The following XRN2 variants were observed in gnomAD, a reference collection of about 807,000 sequenced individuals.
XRN2 encodes DHM1-like protein.
Under a neutral mutation model 138.5 loss-of-function variants are expected in XRN2, and 44 were observed. The ratio of observed to expected loss-of-function variants is 0.32; its 90% CI spans 0.25 to 0.41. XRN2 has a LOEUF of 0.41. Among genes scored for constraint, XRN2 ranks in the 10% least tolerant of loss-of-function variants. The pLI, the probability that XRN2 is intolerant of heterozygous loss-of-function variation, is 1.00. For missense variants in XRN2, 937 were observed against 1,169.3 expected, an observed-to-expected ratio of 0.80 and a Z score of 2.90; for synonymous variants, 354 against 369.4, an observed-to-expected ratio of 0.96 and a Z score of 0.48.
intron 27 of XRN2, among the ~76,000 whole-genome samples, chr20:21,381,683 G>C (rs1313916400): frequency 7.0e-6 from 1 of 143,758 alleles, no homozygotes; most frequent in Non-Finnish European, 1.5e-5. Flanking sequence ...AAAACTGTGT[G>C]TAATGTATGT....
rs539375077 is a variant in XRN2 at position 21,330,347 on chromosome 20, G to A, written c.428-134G>A. ...GAATCTTATTTTCTTCCCAGTGAGG[G>A]AACATTTTTCCTCGGATGACGAGAC... On this transcript the variant is annotated intron_variant, in intron 4 of 29. Transcript: ENST00000377191. 10 of 691,096 alleles carry A rather than the reference G, an allele frequency of 1.4e-5. No individual in the cohort carries two copies. The East Asian group carries it at 2.8e-4, about 19-fold the overall frequency. The allele number at this position is 691,096 out of a possible 1,614,324, so 42.8% of individuals were successfully genotyped here.
chr20:21,342,249 A>G (rs1156403577), intron 15 of XRN2, among the ~76,000 whole-genome samples: 1 of 152,156 alleles, frequency 6.6e-6, no homozygotes, highest in Admixed American at 6.6e-5. Context: ...ATACTTATCT[A>G]CTGATGATTA....
At position 21,316,986 on chromosome 20, in the gene XRN2, T is replaced by C. The variant is rs531381124; in HGVS notation, c.76-9293T>C. On this transcript the variant is annotated intron_variant, in intron 1 of 29. Coordinates refer to ENST00000377191, the MANE Select transcript of XRN2 (RefSeq NM_012255.5). The stretch of plus-strand genomic sequence containing the variant: ...ATCCTATAACCTTGCTGAAGTCATA[T>C]ATCGTAATAATTTTCTAGTGGATCC... 1.6e-3 allele frequency among the ~76,000 whole-genome samples: 242 copies of C among 152,356 alleles called. 1 individual carries two copies. The highest frequency in any genetic ancestry group is 2.9e-3 in the Non-Finnish European group (200 of 68,034).
Position 21,331,463 on chromosome 20 carries a change from A to G in XRN2, c.577-98A>G, listed in dbSNP as rs544883859. 15 of 1,026,050 alleles carry G rather than the reference A, an allele frequency of 1.5e-5. No individual in the cohort carries two copies. The African/African-American group carries it at 2.1e-4, about 14-fold the overall frequency. The allele number at this position is 1,026,050 out of a possible 1,614,324, so 63.6% of individuals were successfully genotyped here. ...CCCTTATTCAGAAAATTTTCCCGTA[A>G]CACTTATCTCAGTTTTTCTTGAGAC... On this transcript the variant is annotated intron_variant, in intron 6 of 29. Coordinates refer to ENST00000377191, the MANE Select transcript of XRN2 (RefSeq NM_012255.5).
At chr20:21,345,013 A>G (rs531056929) in intron 16 of XRN2, among the ~76,000 whole-genome samples, 6 of 152,332 alleles carry the variant, frequency 3.9e-5, no homozygotes, top group Admixed American at 1.3e-4. Flanking sequence ...ATTTGTGTTT[A>G]TGATTAGAAA....
At chr20:21,314,801 T>C (rs570367755) in intron 1 of XRN2, among the ~76,000 whole-genome samples, 1 of 152,350 alleles carries the variant, frequency 6.6e-6, no homozygotes, top group South Asian at 2.1e-4. Context: ...GCAGGTTTAC[T>C]GTGTGTTGCT....
intron 3 of XRN2, among the ~76,000 whole-genome samples, chr20:21,327,188 G>T (rs1053435244): frequency 1.3e-5 from 2 of 152,154 alleles, no homozygotes; most frequent in African/African-American, 2.4e-5. Flanking sequence ...TATAGCAAAA[G>T]CTTGAGAAAG....
chr20:21,305,424 G>T lies in XRN2; in HGVS notation c.75+1951G>T, dbSNP rs539467991. Among the ~76,000 whole-genome samples the T allele has an allele frequency of 7.5e-4, 114 of 151,632 alleles. 2 individuals carry two copies. Among genetic ancestry groups the T allele is most frequent in the South Asian group, 8.4e-4 (4 of 4,780 alleles). The stretch of plus-strand genomic sequence containing the variant: ...CAGGTGTGCGCCGCCACGCCCAGCT[G>T]ATTTTTTTTTAGTAGAGACGGAGTT... On this transcript the variant is annotated intron_variant, in intron 1 of 29. Transcript: ENST00000377191.
intron 27 of XRN2, among the ~76,000 whole-genome samples, chr20:21,376,649 C>T (rs575001402): frequency 1.0e-3 from 152 of 152,088 alleles, no homozygotes; most frequent in African/African-American, 2.9e-3. Context: ...ATCCAAAGTC[C>T]GGAAGGTGGG....
intron 1 of XRN2, among the ~76,000 whole-genome samples, chr20:21,324,514 C>T (rs202836): frequency 0.82 from 122,389 of 149,324 alleles, 51,486 homozygotes; most frequent in South Asian, 0.93. Flanking sequence ...TTTTTTTGGC[C>T]TAGTATGTTT....
At chr20:21,339,204 G>A (rs1035975920) in intron 14 of XRN2, 116 bp downstream of exon 14, 2 of 1,007,042 alleles carry the variant, frequency 2.0e-6, no homozygotes, top group Non-Finnish European at 2.9e-6. Context: ...AGGGACGTAA[G>A]TGTCCACCCA....
Position 21,389,349 on chromosome 20 carries a change from A to G in XRN2, c.*11A>G, listed in dbSNP as rs1348458096. 1.2e-6 allele frequency: 2 copies of G among 1,610,170 alleles called. No homozygotes were observed. Among genetic ancestry groups the G allele is most frequent in the Non-Finnish European group, 1.7e-6 (2 of 1,178,102 alleles). ...TACAATTGGAATTAAGCTTTTGTAAAGCTTTCCCAAATCCTTTCATCATTC... is the reference window on the plus strand; with the variant it reads ...TACAATTGGAATTAAGCTTTTGTAAGGCTTTCCCAAATCCTTTCATCATTC... On this transcript the variant is annotated 3_prime_UTR_variant, in exon 30 of 30. Coordinates refer to ENST00000377191, the MANE Select transcript of XRN2 (RefSeq NM_012255.5).
chr20:21,386,257 A>G (rs538110255), intron 28 of XRN2, among the ~76,000 whole-genome samples: 7 of 152,344 alleles, frequency 4.6e-5, no homozygotes, highest in East Asian at 3.9e-4. Context: ...GCCCATGCCA[A>G]TTAGTGCTCA....
chr20:21,316,544 G>A (rs1341426215), intron 1 of XRN2, among the ~76,000 whole-genome samples: 3 of 152,108 alleles, frequency 2.0e-5, no homozygotes, highest in Non-Finnish European at 2.9e-5. Context: ...GTTGAAGACT[G>A]TTCTTTTCCC....
intron 27 of XRN2, among the ~76,000 whole-genome samples, chr20:21,381,726 AC>A: frequency 6.6e-6 from 1 of 151,976 alleles, no homozygotes; most frequent in Non-Finnish European, 1.5e-5. Flanking sequence ...ACACACACAC[AC>A]ACACACACAC....
At chr20:21,366,394 C>G (rs1157481632) in intron 26 of XRN2, among the ~76,000 whole-genome samples, 2 of 150,200 alleles carry the variant, frequency 1.3e-5, no homozygotes, top group African/African-American at 4.9e-5. Flanking sequence ...AAACAAAATA[C>G]AAAAAGTTAT....
At chr20:21,378,312 T>C (rs2038847906) in intron 27 of XRN2, among the ~76,000 whole-genome samples, 1 of 152,214 alleles carries the variant, frequency 6.6e-6, no homozygotes, top group Admixed American at 6.5e-5. Context: ...CTGAGCCTCC[T>C]GATTAAGCAG....
At chr20:21,335,159 C>T (rs1418396588) in intron 13 of XRN2, among the ~76,000 whole-genome samples, 3 of 152,050 alleles carry the variant, frequency 2.0e-5, no homozygotes, top group African/African-American at 4.8e-5. Flanking sequence ...GCACTTCGTC[C>T]GTGGACAGGG....
At chr20:21,332,617 T>C (rs2038228424) in intron 9 of XRN2, among the ~76,000 whole-genome samples, 177 bp downstream of exon 9, 1 of 152,236 alleles carries the variant, frequency 6.6e-6, no homozygotes, top group Admixed American at 6.5e-5. Flanking sequence ...ATTAGTTCTT[T>C]ATGTGCTTGT....
Sources: allele counts gnomAD v4.1 joint callset (sites outside exome capture counted in the v4.1 genomes callset), GRCh38; gene constraint gnomAD v4.1.1; transcripts MANE v1.5; gene names NCBI Gene and HGNC (gene_info 2026-07-23, HGNC 2026-07-21).